Variants in NRG3 observed in about 807,000 individuals in gnomAD.
NRG3 encodes neuregulin 3.
A neutral mutation model predicts 66.9 loss-of-function variants in NRG3; 31 were observed. The observed-to-expected ratio is 0.46, with a 90% CI of 0.35 to 0.63. The LOEUF (loss-of-function observed/expected upper bound fraction) is 0.63, where lower values mean the gene tolerates loss of function less well. NRG3 is among the 20% of genes least tolerant of loss of function. The pLI is 0.00. For missense variants in NRG3, 910 were observed against 878.9 expected (o/e 1.04, Z -0.45); for synonymous variants, 393 against 359.4 (o/e 1.09, Z -1.06).
chr10:82,583,452 T>A (rs1393560449), intron 2 of NRG3, among the ~76,000 whole-genome samples: 1 of 152,214 alleles, frequency 6.6e-6, no homozygotes, highest in Non-Finnish European at 1.5e-5. Context: ...CAAGCTTTCA[T>A]ACCTTGTTCT....
intron 6 of NRG3, among the ~76,000 whole-genome samples, chr10:82,966,404 G>C (rs1301845182): frequency 6.6e-6 from 1 of 152,026 alleles, no homozygotes; most frequent in South Asian, 2.1e-4. Context: ...CTTTTCTTAT[G>C]ATTACATGGG....
At chr10:82,903,311 T>G (rs1374111582) in intron 4 of NRG3, among the ~76,000 whole-genome samples, 1 of 152,136 alleles carries the variant, frequency 6.6e-6, no homozygotes, top group Non-Finnish European at 1.5e-5. Context: ...GTAAGCATTT[T>G]GCCTCTCCAG....
intron 2 of NRG3, among the ~76,000 whole-genome samples, chr10:82,394,945 A>G (rs1018230857): frequency 6.6e-6 from 1 of 152,160 alleles, no homozygotes; most frequent in Non-Finnish European, 1.5e-5. Flanking sequence ...ATTAAGCACA[A>G]CCTAGCCATG....
chr10:82,426,228 C>A (rs553891712), intron 2 of NRG3, among the ~76,000 whole-genome samples: 2 of 152,108 alleles, frequency 1.3e-5, no homozygotes, highest in African/African-American at 4.8e-5. Context: ...TGGTGGGACT[C>A]CTGAAGGTAA....
intron 1 of NRG3, among the ~76,000 whole-genome samples, chr10:81,946,815 C>T (rs182679804): frequency 5.4e-4 from 82 of 152,304 alleles, no homozygotes; most frequent in Middle Eastern, 3.4e-3. Context: ...TTGAGTTATG[C>T]TTGGAAAATA....
intron 3 of NRG3, among the ~76,000 whole-genome samples, chr10:82,849,104 G>A (rs1162082849): frequency 6.6e-6 from 1 of 152,166 alleles, no homozygotes; most frequent in African/African-American, 2.4e-5. Context: ...GGGGTCTTTA[G>A]CATGGGCGCT....
chr10:82,845,134 G>A lies in NRG3; in HGVS notation c.1028-20277G>A, dbSNP rs572885987. 3.3e-5 allele frequency among the ~76,000 whole-genome samples: 5 copies of A among 152,278 alleles called. No homozygotes were observed. The East Asian group carries it at 5.8e-4, about 18-fold the overall frequency. ...CACACCACTGCACTCCAGCCTGGGCGATAAAGCGAGACTGCATCTCAAAAA... is the reference window on the plus strand; with the variant it reads ...CACACCACTGCACTCCAGCCTGGGCAATAAAGCGAGACTGCATCTCAAAAA... On this transcript the variant is annotated intron_variant, in intron 3 of 8. Transcript: ENST00000372141.
At chr10:82,877,664 C>T (rs561743922) in intron 4 of NRG3, among the ~76,000 whole-genome samples, 29 of 150,732 alleles carry the variant, frequency 1.9e-4, no homozygotes, top group African/African-American at 6.3e-4. Context: ...GCTGGGATTA[C>T]AGGCATGAGC....
intron 2 of NRG3, among the ~76,000 whole-genome samples, chr10:82,600,672 G>T (rs1366251009): frequency 6.6e-6 from 1 of 152,130 alleles, no homozygotes; most frequent in Admixed American, 6.5e-5. Flanking sequence ...GTTTCACCAT[G>T]TTGGCCAGGC....
intron 2 of NRG3, among the ~76,000 whole-genome samples, chr10:82,704,964 C>G (rs2056176797): frequency 6.6e-6 from 1 of 152,130 alleles, no homozygotes; most frequent in Admixed American, 6.5e-5. Context: ...GCCTATCTCA[C>G]ACAAATCACT....
At chr10:82,082,367 C>A (rs150409110) in intron 1 of NRG3, among the ~76,000 whole-genome samples, 2 of 152,230 alleles carry the variant, frequency 1.3e-5, no homozygotes, top group East Asian at 1.9e-4. Flanking sequence ...TAGTTCAAAC[C>A]CATTATTTTC....
intron 2 of NRG3, among the ~76,000 whole-genome samples, chr10:82,434,523 C>T (rs1161135750): frequency 6.6e-6 from 1 of 152,048 alleles, no homozygotes; most frequent in Non-Finnish European, 1.5e-5. Flanking sequence ...CCTTGTCTTG[C>T]ACCAGTTTTT....
At chr10:81,953,265 T>A (rs917580644) in intron 1 of NRG3, among the ~76,000 whole-genome samples, 9 of 152,144 alleles carry the variant, frequency 5.9e-5, no homozygotes, top group African/African-American at 2.2e-4. Flanking sequence ...GAGAGCCCCA[T>A]CCTTTGCTTG....
rs374964747 is a variant in NRG3, at chr10:82,638,897, A to T, written c.954-99680A>T. On this transcript the variant is annotated intron_variant, in intron 2 of 8. Coordinates refer to ENST00000372141, the MANE Select transcript of NRG3 (RefSeq NM_001010848.4). The stretch of plus-strand genomic sequence containing the variant: ...CTTGACCTCGGGATCCTCCCGCCTC[A>T]GCCTCCCAAAGTGCTGGGATTACAA... Among the ~76,000 whole-genome samples the T allele has an allele frequency of 2.6e-5, 4 of 152,076 alleles. No homozygotes were observed. The East Asian group carries it at 5.8e-4, about 22-fold the overall frequency.
chr10:82,824,719 CT>C (rs35568898), intron 3 of NRG3, among the ~76,000 whole-genome samples: 4,045 of 138,456 alleles, frequency 0.029, 123 homozygotes, highest in African/African-American at 0.086. Flanking sequence ...ATTATAGACA[CT>C]TTTTTTTTTT....
At chr10:82,178,112 T>C (rs1415160593) in intron 1 of NRG3, among the ~76,000 whole-genome samples, 2 of 151,942 alleles carry the variant, frequency 1.3e-5, no homozygotes, top group Non-Finnish European at 2.9e-5. Context: ...ATGTAGAAAA[T>C]AAAAATAAAA....
intron 1 of NRG3, among the ~76,000 whole-genome samples, chr10:82,186,065 G>T (rs943674701): frequency 1.3e-5 from 2 of 152,084 alleles, no homozygotes; most frequent in African/African-American, 4.8e-5. Context: ...AAGTGTCTGT[G>T]TGGGCATGAA....
chr10:82,907,250 T>C (rs1384034957), intron 4 of NRG3, among the ~76,000 whole-genome samples: 1 of 152,212 alleles, frequency 6.6e-6, no homozygotes, highest in Non-Finnish European at 1.5e-5. Flanking sequence ...TTTCCAGGTT[T>C]AAAATAATAC....
At position 81,964,743 on chromosome 10, in the gene NRG3, G is replaced by A. The variant is rs139592181; in HGVS notation, c.823+88580G>A. Among the ~76,000 whole-genome samples, 514 of 152,206 alleles carry A rather than the reference G, an allele frequency of 3.4e-3. 10 individuals carry two copies. The highest frequency in any genetic ancestry group is 0.012 in the African/African-American group (498 of 41,544). On this transcript the variant is annotated intron_variant, in intron 1 of 8. Transcript: ENST00000372141. Reference sequence around the variant, plus strand: ...CTACCACACGGCCTCATCAATGATGGCTTTTTTTAATCTTTTCTGAGTTTT... The same window carrying A: ...CTACCACACGGCCTCATCAATGATGACTTTTTTTAATCTTTTCTGAGTTTT...
Sources: allele counts gnomAD v4.1 joint callset (sites outside exome capture counted in the v4.1 genomes callset), GRCh38; gene constraint gnomAD v4.1.1; transcripts MANE v1.5; gene names NCBI Gene and HGNC (gene_info 2026-07-23, HGNC 2026-07-21).